The following PRICKLE1 variants were observed in gnomAD, a reference collection of about 807,000 sequenced individuals.
The protein encoded by PRICKLE1 is prickle-like protein 1.
Under a neutral mutation model 70.2 loss-of-function variants are expected in PRICKLE1, and 14 were observed. The observed-to-expected ratio is 0.20, with a 90% CI of 0.13 to 0.31. The LOEUF (loss-of-function observed/expected upper bound fraction) is 0.31, where lower values mean the gene tolerates loss of function less well. Among genes scored for constraint, PRICKLE1 ranks in the 10% least tolerant of loss-of-function variants. PRICKLE1 has a pLI of 1.00. For missense variants in PRICKLE1, 821 were observed against 1,026.2 expected (o/e 0.80, Z 2.73); for synonymous variants, 357 against 379.9 (o/e 0.94, Z 0.70).
intron 1 of PRICKLE1, among the ~76,000 whole-genome samples, chr12:42,481,797 TTCAA>T: frequency 6.6e-6 from 1 of 152,352 alleles, no homozygotes; most frequent in East Asian, 1.9e-4. Flanking sequence ...TGTCCTTAAC[TTCAA>T]TCGAGATGTG....
intron 1 of PRICKLE1, among the ~76,000 whole-genome samples, chr12:42,585,301 C>T (rs1417505218): frequency 6.6e-6 from 1 of 152,164 alleles, no homozygotes; most frequent in Non-Finnish European, 1.5e-5. Context: ...TAAAATCTCT[C>T]TTTATAGGAG....
At chr12:42,526,421 A>G (rs536090529) in intron 1 of PRICKLE1, among the ~76,000 whole-genome samples, 2 of 152,150 alleles carry the variant, frequency 1.3e-5, no homozygotes, top group Non-Finnish European at 2.9e-5. Flanking sequence ...ATTAAGAGAA[A>G]CTTCACAGAG....
At chr12:42,495,968 A>G (rs1290829769) in intron 1 of PRICKLE1, among the ~76,000 whole-genome samples, 1 of 152,364 alleles carries the variant, frequency 6.6e-6, no homozygotes, top group East Asian at 1.9e-4. Context: ...ATATTTTAAC[A>G]TCCTCCTGCG....
chr12:42,469,960 C>T, intron 3 of PRICKLE1: 1 of 496,702 alleles, frequency 2.0e-6, no homozygotes, highest in South Asian at 2.1e-5. Context: ...AAAGCATTCA[C>T]TCTGGATGCA....
At chr12:42,519,193 C>CTTTTTT (rs11342397) in intron 1 of PRICKLE1, among the ~76,000 whole-genome samples, 24,199 of 98,474 alleles carry the variant, frequency 0.25, 3,131 homozygotes, top group Non-Finnish European at 0.3. Context: ...CCTTTTTTTC[C>CTTTTTT]TTTTTTTTTT....
intron 1 of PRICKLE1, among the ~76,000 whole-genome samples, chr12:42,567,714 C>T (rs1362342176): frequency 6.7e-6 from 1 of 149,706 alleles, no homozygotes; most frequent in Non-Finnish European, 1.5e-5. Context: ...GTAATCCTAG[C>T]TACTCGAGAG....
chr12:42,541,144 AG>A (rs757897770), intron 1 of PRICKLE1, among the ~76,000 whole-genome samples: 31 of 152,180 alleles, frequency 2.0e-4, no homozygotes, highest in Non-Finnish European at 3.5e-4. Flanking sequence ...ACTTTTCCAG[AG>A]GAAAACTTTT....
intron 1 of PRICKLE1, among the ~76,000 whole-genome samples, chr12:42,583,260 T>C (rs560560734): frequency 1.4e-4 from 22 of 152,052 alleles, no homozygotes; most frequent in Non-Finnish European, 2.9e-4. Context: ...ATTTCAACCA[T>C]AGTTACTGTG....
At chr12:42,563,392 T>A (rs1566128251) in intron 1 of PRICKLE1, among the ~76,000 whole-genome samples, 1 of 151,790 alleles carries the variant, frequency 6.6e-6, no homozygotes, top group Non-Finnish European at 1.5e-5. Context: ...TGCACAATAT[T>A]GGAGTTTTTA....
rs959711620 is a variant in PRICKLE1, at chr12:42,548,419, G to A, written c.-49+41046C>T. ...CACATATATATTTATTATGTGCTTC[G>A]TAAGCATAAGTCAATATAGAAGACA... On this transcript the variant is annotated intron_variant, in intron 1 of 7. Transcript: ENST00000345127. Among the ~76,000 whole-genome samples the A allele has an allele frequency of 2.6e-5, 4 of 152,222 alleles. No individual in the cohort carries two copies. In the East Asian group the frequency reaches 5.8e-4, roughly 22 times the overall value.
chr12:42,560,208 C>T (rs1940487568), intron 1 of PRICKLE1, among the ~76,000 whole-genome samples: 1 of 115,036 alleles, frequency 8.7e-6, no homozygotes, highest in Admixed American at 8.6e-5. Flanking sequence ...GAGATCTTGG[C>T]TCACTGCAAC....
At chr12:42,532,020 C>T (rs1006970151) in intron 1 of PRICKLE1, among the ~76,000 whole-genome samples, 7 of 151,994 alleles carry the variant, frequency 4.6e-5, no homozygotes, top group Non-Finnish European at 1.0e-4. Context: ...ATAAATTAGC[C>T]GGGCATGGTG....
chr12:42,579,884 T>A (rs1204972966), intron 1 of PRICKLE1, among the ~76,000 whole-genome samples: 4 of 152,134 alleles, frequency 2.6e-5, no homozygotes, highest in Non-Finnish European at 5.9e-5. Flanking sequence ...TATTATTTTT[T>A]TTTTTGAGAT....
At chr12:42,473,667 C>T (rs559907539) in intron 1 of PRICKLE1, among the ~76,000 whole-genome samples, 5 of 152,196 alleles carry the variant, frequency 3.3e-5, no homozygotes, top group Admixed American at 2.6e-4. Flanking sequence ...AGATAATTAT[C>T]CCGACCCAAT....
chr12:42,540,640 G>C (rs906950434), intron 1 of PRICKLE1, among the ~76,000 whole-genome samples: 72 of 152,240 alleles, frequency 4.7e-4, no homozygotes, highest in African/African-American at 1.7e-3. Flanking sequence ...TTGGCTCGCT[G>C]TAACCTCCGC....
chr12:42,522,763 T>C (rs975674479), intron 1 of PRICKLE1, among the ~76,000 whole-genome samples: 10 of 152,170 alleles, frequency 6.6e-5, no homozygotes, highest in African/African-American at 1.2e-4. Context: ...AATAGAATCT[T>C]TTTTAAAGCG....
intron 1 of PRICKLE1, among the ~76,000 whole-genome samples, chr12:42,534,261 A>T (rs1222258789): frequency 6.6e-6 from 1 of 152,138 alleles, no homozygotes; most frequent in Admixed American, 6.5e-5. Context: ...ATGAGCCCTT[A>T]GAGATGAGAG....
rs573596628 is a variant in PRICKLE1 at position 42,456,808 on chromosome 12, C to G, written c.*3001G>C. 2.0e-5 allele frequency: 3 copies of G among 152,282 alleles called. No individual in the cohort carries two copies. The East Asian group carries it at 5.8e-4, about 29-fold the overall frequency. The allele number at this position is 152,282 out of a possible 1,614,324, so 9.4% of individuals were successfully genotyped here. On this transcript the variant is annotated 3_prime_UTR_variant, in exon 8 of 8. Transcript: ENST00000345127. ...GCCAATTCTTTACAGAACTGTAAGG[C>G]AGTTGCTTCTTTCTTCCGTTGTAGA...
chr12:42,564,501 A>C (rs911015479), intron 1 of PRICKLE1, among the ~76,000 whole-genome samples: 1 of 150,856 alleles, frequency 6.6e-6, no homozygotes, highest in Non-Finnish European at 1.5e-5. Context: ...CCAGCTACTC[A>C]GGAGGCTGAG....
Sources: gnomAD v4.1 joint callset for allele counts (sites outside exome capture counted in the v4.1 genomes callset) on GRCh38, gnomAD v4.1.1 for gene constraint, MANE v1.5 for transcripts, NCBI Gene and HGNC (gene_info 2026-07-23, HGNC 2026-07-21) for gene names.